Variants in SLC39A11 observed in about 807,000 individuals in gnomAD.
SLC39A11 encodes zinc transporter ZIP11.
A neutral mutation model predicts 36.1 loss-of-function variants in SLC39A11; 33 were observed. That is an observed-to-expected ratio of 0.91 (90% CI 0.69 to 1.22). SLC39A11 has a LOEUF of 1.22. Among genes scored for constraint, SLC39A11 ranks in the 50% most tolerant of loss-of-function variants. The probability of loss-of-function intolerance (pLI) is 0.00; values close to 1 mark genes in which losing one functional copy is unlikely to be tolerated. For synonymous variants in SLC39A11, 166 were observed against 170.3 expected (o/e 0.97, Z 0.20); for missense variants, 432 against 430.3 (o/e 1.00, Z -0.03).
chr17:72,878,932 A>G (rs1441737841), intron 5 of SLC39A11, among the ~76,000 whole-genome samples: 1 of 152,268 alleles, frequency 6.6e-6, no homozygotes, highest in African/African-American at 2.4e-5. Flanking sequence ...ATTGGGGTTC[A>G]CACTAGACCT....
chr17:72,836,323 A>G (rs1598927676), intron 6 of SLC39A11, among the ~76,000 whole-genome samples: 1 of 150,080 alleles, frequency 6.7e-6, no homozygotes, highest in East Asian at 2.0e-4. Flanking sequence ...AGCTGTACCC[A>G]TCATTGCTTG....
chr17:72,834,093 A>G (rs1321829319), intron 6 of SLC39A11, among the ~76,000 whole-genome samples: 1 of 122,342 alleles, frequency 8.2e-6, no homozygotes, highest in Non-Finnish European at 1.7e-5. Flanking sequence ...CAATTTGTGA[A>G]GTTACTTTTT....
chr17:72,652,730 T>C (rs1192145176), intron 7 of SLC39A11, among the ~76,000 whole-genome samples: 2 of 152,240 alleles, frequency 1.3e-5, no homozygotes, highest in East Asian at 1.9e-4. Context: ...GTTTTGCTTA[T>C]GGCTCATCTA....
At chr17:72,777,763 G>A (rs2076181967) in intron 6 of SLC39A11, among the ~76,000 whole-genome samples, 1 of 152,106 alleles carries the variant, frequency 6.6e-6, no homozygotes, top group African/African-American at 2.4e-5. Flanking sequence ...TGAGTTTGTG[G>A]TACTTTGTTA....
intron 5 of SLC39A11, among the ~76,000 whole-genome samples, chr17:72,882,819 T>C (rs936996667): frequency 5.3e-5 from 8 of 150,502 alleles, no homozygotes; most frequent in African/African-American, 1.7e-4. Context: ...TTTTTTGAGA[T>C]GGAGTCTCAC....
chr17:72,770,539 C>G (rs771212743), intron 6 of SLC39A11, among the ~76,000 whole-genome samples: 1 of 152,194 alleles, frequency 6.6e-6, no homozygotes, highest in African/African-American at 2.4e-5. Flanking sequence ...TTCCTTCCCC[C>G]TCTCCTTTCA....
intron 3 of SLC39A11, among the ~76,000 whole-genome samples, chr17:73,077,700 T>C (rs766742484): frequency 1.3e-5 from 2 of 152,222 alleles, no homozygotes; most frequent in Non-Finnish European, 2.9e-5. Flanking sequence ...AGTCTCTTTC[T>C]TTCTACCGAC....
At chr17:73,006,154 A>G (rs1406428584) in intron 4 of SLC39A11, among the ~76,000 whole-genome samples, 3 of 152,188 alleles carry the variant, frequency 2.0e-5, no homozygotes, top group African/African-American at 7.2e-5. Flanking sequence ...CACATGGATA[A>G]GGGTGGCGTC....
At chr17:73,043,738 C>A (rs191501246) in intron 3 of SLC39A11, among the ~76,000 whole-genome samples, 2 of 152,298 alleles carry the variant, frequency 1.3e-5, no homozygotes, top group African/African-American at 4.8e-5. Flanking sequence ...AGGAAGGAAT[C>A]TGCAGGTAAC....
chr17:72,778,911 T>C (rs1416132863), intron 6 of SLC39A11, among the ~76,000 whole-genome samples: 2 of 152,232 alleles, frequency 1.3e-5, no homozygotes, highest in East Asian at 1.9e-4. Context: ...AGTTCTTTTA[T>C]GGATCCAGTC....
chr17:73,066,281 C>A (rs531554486), intron 3 of SLC39A11, among the ~76,000 whole-genome samples: 3 of 152,168 alleles, frequency 2.0e-5, no homozygotes, highest in Non-Finnish European at 4.4e-5. Flanking sequence ...ACTCTCCAGT[C>A]TAGTGGAACT....
At chr17:72,881,835 C>T (rs2081207401) in intron 5 of SLC39A11, among the ~76,000 whole-genome samples, 1 of 152,336 alleles carries the variant, frequency 6.6e-6, no homozygotes, top group South Asian at 2.1e-4. Flanking sequence ...GTTTGCCTCA[C>T]AGGCTGCAGA....
chr17:73,004,508 C>T (rs1252011975), intron 4 of SLC39A11, among the ~76,000 whole-genome samples: 1 of 152,228 alleles, frequency 6.6e-6, no homozygotes, highest in Non-Finnish European at 1.5e-5. Flanking sequence ...ACCTAATTAC[C>T]TCCCAAAGGT....
At chr17:72,982,077 TA>T (rs201005369) in intron 4 of SLC39A11, among the ~76,000 whole-genome samples, 1,160 of 38,906 alleles carry the variant, frequency 0.03, 18 homozygotes, top group African/African-American at 0.062. Context: ...ACTCCATCTC[TA>T]AAATTTTTTT....
At chr17:72,722,924 C>T (rs760623225) in intron 7 of SLC39A11, among the ~76,000 whole-genome samples, 4 of 152,224 alleles carry the variant, frequency 2.6e-5, no homozygotes, top group Non-Finnish European at 4.4e-5. Flanking sequence ...GCATGAGCCA[C>T]TGCACCTGGC....
chr17:73,087,922 C>CT (rs1218956269), intron 2 of SLC39A11, among the ~76,000 whole-genome samples: 6 of 152,144 alleles, frequency 3.9e-5, no homozygotes, highest in Admixed American at 2.0e-4. Context: ...ACCATCCCAC[C>CT]CAACTCAAGT....
intron 3 of SLC39A11, among the ~76,000 whole-genome samples, chr17:73,064,625 A>G (rs1419262461): frequency 2.0e-5 from 3 of 152,122 alleles, no homozygotes; most frequent in Non-Finnish European, 4.4e-5. Context: ...AGCTGCCCAG[A>G]GAGGAGGTCC....
At chr17:73,076,789 ACTTT>A (rs1281964205) in intron 3 of SLC39A11, among the ~76,000 whole-genome samples, 2 of 147,948 alleles carry the variant, frequency 1.4e-5, no homozygotes, top group Non-Finnish European at 3.0e-5. Flanking sequence ...AGGCAAGGGG[ACTTT>A]CTTTTTTTCT....
At chr17:72,973,401 C>A (rs1473152609) in intron 4 of SLC39A11, among the ~76,000 whole-genome samples, 8 of 151,842 alleles carry the variant, frequency 5.3e-5, no homozygotes, top group Admixed American at 3.3e-4. Context: ...GAAGGAAGGG[C>A]AAGTAGAAGA....
Sources: gnomAD v4.1 joint callset for allele counts (sites outside exome capture counted in the v4.1 genomes callset) on GRCh38, gnomAD v4.1.1 for gene constraint, MANE v1.5 for transcripts, NCBI Gene and HGNC (gene_info 2026-07-23, HGNC 2026-07-21) for gene names.